The following SCGB2B2 variants were observed in gnomAD, a reference collection of about 807,000 sequenced individuals.
SCGB2B2 encodes the protein secretoglobin family 2B member 2.
In SCGB2B2, 11 loss-of-function variants were observed where a neutral mutation model predicts 7.6. The ratio of observed to expected loss-of-function variants is 1.45; its 90% CI spans 0.91 to 2.40. The LOEUF is 2.40. Among genes scored for constraint, SCGB2B2 ranks in the 30% most tolerant of loss-of-function variants. The probability of loss-of-function intolerance (pLI) is 0.00; values close to 1 mark genes in which losing one functional copy is unlikely to be tolerated. For missense variants in SCGB2B2, 104 were observed against 115.4 expected, an observed-to-expected ratio of 0.90 and a Z score of 0.45; for synonymous variants, 50 against 48.6, an observed-to-expected ratio of 1.03 and a Z score of -0.12.
intron 1 of SCGB2B2, among the ~76,000 whole-genome samples, chr19:34,660,172 A>AT (rs2067412245): frequency 6.6e-6 from 1 of 152,248 alleles, no homozygotes; most frequent in South Asian, 2.1e-4. Flanking sequence ...ACCTAACACC[A>AT]TAAAAACCCT....
intron 1 of SCGB2B2, among the ~76,000 whole-genome samples, chr19:34,625,404 T>G (rs2066344120): frequency 6.6e-6 from 1 of 152,078 alleles, no homozygotes; most frequent in South Asian, 2.1e-4. Flanking sequence ...ACATGGAAAA[T>G]CGGGTCACTC....
chr19:34,609,171 G>A (rs2065864080), intron 1 of SCGB2B2, among the ~76,000 whole-genome samples: 1 of 151,846 alleles, frequency 6.6e-6, no homozygotes, highest in Admixed American at 6.6e-5. Flanking sequence ...CAGATTATTT[G>A]TGTGTTTTTT....
chr19:34,649,377 T>A (rs1030818664), intron 1 of SCGB2B2, among the ~76,000 whole-genome samples: 2 of 152,220 alleles, frequency 1.3e-5, no homozygotes, highest in Non-Finnish European at 2.9e-5. Context: ...CTCTGGGTTC[T>A]GGGTTTGGAG....
At chr19:34,628,948 T>C (rs1309388147) in intron 1 of SCGB2B2, among the ~76,000 whole-genome samples, 2 of 152,004 alleles carry the variant, frequency 1.3e-5, no homozygotes, top group Non-Finnish European at 2.9e-5. Context: ...ATCCCTGGGA[T>C]GCAAGGCTGG....
At chr19:34,662,329 C>T (rs780914748) in intron 1 of SCGB2B2, among the ~76,000 whole-genome samples, 16 of 152,164 alleles carry the variant, frequency 1.1e-4, no homozygotes, top group African/African-American at 2.4e-4. Context: ...CCACACTTCA[C>T]GTAAAAGTCC....
At chr19:34,598,260 G>C (rs2065518730) in intron 1 of SCGB2B2, among the ~76,000 whole-genome samples, 1 of 152,164 alleles carries the variant, frequency 6.6e-6, no homozygotes, top group Non-Finnish European at 1.5e-5. Context: ...GCAGAGCAGT[G>C]TGCGGCACAC....
At chr19:34,644,511 CA>C (rs2066939901) in intron 1 of SCGB2B2, among the ~76,000 whole-genome samples, 1 of 152,074 alleles carries the variant, frequency 6.6e-6, no homozygotes, top group Non-Finnish European at 1.5e-5. Context: ...TCATTTCAAA[CA>C]AAAATTCTGT....
chr19:34,631,464 T>C (rs2066533326), intron 1 of SCGB2B2, among the ~76,000 whole-genome samples: 1 of 152,164 alleles, frequency 6.6e-6, no homozygotes, highest in South Asian at 2.1e-4. Flanking sequence ...AATATTTCTA[T>C]AAAAATTGTA....
intron 1 of SCGB2B2, among the ~76,000 whole-genome samples, chr19:34,636,733 T>A (rs1169529690): frequency 2.7e-4 from 41 of 152,176 alleles, no homozygotes; most frequent in Non-Finnish European, 2.9e-5. Context: ...TTATGGCCCC[T>A]GCCCTTGGTA....
chr19:34,658,108 G>C (rs2067332545), intron 1 of SCGB2B2, among the ~76,000 whole-genome samples: 1 of 152,088 alleles, frequency 6.6e-6, no homozygotes, highest in Non-Finnish European at 1.5e-5. Context: ...TGTGTAGAGG[G>C]AAATTTATAG....
intron 1 of SCGB2B2, among the ~76,000 whole-genome samples, chr19:34,639,969 G>T (rs2066795601): frequency 6.6e-6 from 1 of 152,122 alleles, no homozygotes; most frequent in Non-Finnish European, 1.5e-5. Context: ...GGTGCTGGTA[G>T]TGTGGAATTC....
Position 34,649,764 on chromosome 19 carries a change from GAAT to G in SCGB2B2, c.-2032+25863_-2032+25865del, listed in dbSNP as rs2067116403. On this transcript the variant is annotated intron_variant, in intron 1 of 3. Transcript: ENST00000601241. ...CGCTACTCGGGAGGCTGAAGCAGGA[GAAT>G]CACTTGAACCTAGGAGCTGAACAGG... 2.8e-5 allele frequency among the ~76,000 whole-genome samples: 4 copies of G among 145,200 alleles called. 1 individual carries two copies. The highest frequency in any genetic ancestry group is 1.1e-4 in the African/African-American group (4 of 34,836).
intron 1 of SCGB2B2, among the ~76,000 whole-genome samples, chr19:34,658,813 CAAAAAA>C (rs138363297): frequency 2.9e-5 from 3 of 101,994 alleles, no homozygotes; most frequent in South Asian, 3.2e-4. Flanking sequence ...ACAACAACAA[CAAAAAA>C]AAAAAAAAAA....
intron 1 of SCGB2B2, among the ~76,000 whole-genome samples, chr19:34,642,130 G>T (rs571507610): frequency 6.6e-6 from 1 of 152,320 alleles, no homozygotes; most frequent in East Asian, 1.9e-4. Flanking sequence ...CAGGCTTCCA[G>T]CCTCTCTTTC....
downstream of SCGB2B2, among the ~76,000 whole-genome samples, chr19:34,589,172 G>C (rs1317036385): frequency 6.6e-6 from 1 of 152,186 alleles, no homozygotes; most frequent in African/African-American, 2.4e-5. Context: ...TCAACACTTA[G>C]ACGTACTGCC....
chr19:34,632,413 T>C (rs1366028007), intron 1 of SCGB2B2, among the ~76,000 whole-genome samples: 3 of 152,052 alleles, frequency 2.0e-5, no homozygotes, highest in African/African-American at 7.2e-5. Flanking sequence ...CAAAACTCAA[T>C]AATAAAGAAA....
At position 34,660,944 on chromosome 19, in the gene SCGB2B2, A is replaced by C. The variant is rs541187600; in HGVS notation, c.-2032+14686T>G. Among the ~76,000 whole-genome samples the C allele has an allele frequency of 2.0e-5, 3 of 152,358 alleles. No homozygotes were observed. In the South Asian group the frequency reaches 6.2e-4, roughly 32 times the overall value. ...ATACACCATGGAATACTATGCAGCCATAAGAATGGATGAGTGCATGTCCTT... is the reference window on the plus strand; with the variant it reads ...ATACACCATGGAATACTATGCAGCCCTAAGAATGGATGAGTGCATGTCCTT... On this transcript the variant is annotated intron_variant, in intron 1 of 3. Coordinates refer to ENST00000601241, the MANE Select transcript of SCGB2B2 (RefSeq NM_001025591.4).
intron 1 of SCGB2B2, among the ~76,000 whole-genome samples, chr19:34,610,194 A>G (rs1162438848): frequency 1.3e-5 from 2 of 151,902 alleles, no homozygotes; most frequent in Non-Finnish European, 2.9e-5. Context: ...TTTATCAGTT[A>G]TAAGAGTTTT....
intron 1 of SCGB2B2, among the ~76,000 whole-genome samples, chr19:34,604,041 G>C (rs1306919566): frequency 6.6e-6 from 1 of 151,708 alleles, no homozygotes; most frequent in Non-Finnish European, 1.5e-5. Context: ...TCTCCCTTTA[G>C]GTAAGTTTGT....
Sources: gnomAD v4.1 joint callset for allele counts (sites outside exome capture counted in the v4.1 genomes callset) on GRCh38, gnomAD v4.1.1 for gene constraint, MANE v1.5 for transcripts, NCBI Gene and HGNC (gene_info 2026-07-23, HGNC 2026-07-21) for gene names.